The following OTOGL variants were observed in gnomAD, a reference collection of about 807,000 sequenced individuals.
The protein encoded by OTOGL is otogelin like, also known as otogelin-like protein.
Under a neutral mutation model 318.5 loss-of-function variants are expected in OTOGL, and 285 were observed. The ratio of observed to expected loss-of-function variants is 0.89; its 90% CI spans 0.81 to 0.99. The LOEUF is 0.99. Ranked by LOEUF, OTOGL falls within the 50% of genes least tolerant of loss-of-function variation. The pLI, the probability that OTOGL is intolerant of heterozygous loss-of-function variation, is 0.00. For synonymous variants in OTOGL, 987 were observed against 936.5 expected, an observed-to-expected ratio of 1.05 and a Z score of -0.99; for missense variants, 2,899 against 2,845.6, an observed-to-expected ratio of 1.02 and a Z score of -0.43.
At chr12:80,205,026 A>G (rs544171504) in intron 1 of OTOGL, among the ~76,000 whole-genome samples, 1 of 152,346 alleles carries the variant, frequency 6.6e-6, no homozygotes, top group Admixed American at 6.5e-5. Context: ...AGAGAAACGA[A>G]CAACAAACAA....
chr12:80,283,927 G>C (rs1884420883), intron 26 of OTOGL, among the ~76,000 whole-genome samples: 2 of 152,102 alleles, frequency 1.3e-5, no homozygotes, highest in Middle Eastern at 6.8e-3. Flanking sequence ...TGTTACATAG[G>C]TATACGTGTG....
rs542225398 is a variant in OTOGL, at chr12:80,103,522, T to C, written c.-20+3917T>C. Among the ~76,000 whole-genome samples, 6 of 152,310 alleles carry C rather than the reference T, an allele frequency of 3.9e-5. No individual in the cohort carries two copies. In the South Asian group the frequency reaches 6.2e-4, roughly 16 times the overall value. ...TCACTTTCTTGACCCCATGGCTAAA[T>C]TGGATCTGTTATATATTCAAATCAC... On this transcript the variant is annotated intron_variant, in intron 1 of 58. Transcript: ENST00000547103.
At chr12:80,249,728 G>T (rs1881313295) in intron 11 of OTOGL, among the ~76,000 whole-genome samples, 3 of 152,330 alleles carry the variant, frequency 2.0e-5, no homozygotes, top group Non-Finnish European at 1.5e-5. Context: ...GTTTACCTAA[G>T]GAAGCCTGGG....
chr12:80,330,527 T>G (rs973953429), intron 37 of OTOGL, among the ~76,000 whole-genome samples: 1 of 152,214 alleles, frequency 6.6e-6, no homozygotes, highest in Non-Finnish European at 1.5e-5. Flanking sequence ...GGGCATAGAC[T>G]GTTAATTATT....
chr12:80,179,128 T>A (rs1920398), intron 1 of OTOGL, among the ~76,000 whole-genome samples: 139,514 of 152,132 alleles, frequency 0.92, 64,042 homozygotes, highest in East Asian at 1. Flanking sequence ...TAAAGTGACA[T>A]CTCACTGGAG....
chr12:80,198,584 A>AAATAATAATAATAATAATAAT (rs201298326), intron 1 of OTOGL, among the ~76,000 whole-genome samples: 1 of 151,496 alleles, frequency 6.6e-6, no homozygotes. Flanking sequence ...CTCCATCTCC[A>AAATAATAATAATAATAATAAT]AATAATAATA....
chr12:80,285,323 C>T (rs1884533082), intron 26 of OTOGL, among the ~76,000 whole-genome samples: 2 of 152,034 alleles, frequency 1.3e-5, no homozygotes, highest in South Asian at 4.1e-4. Context: ...ATGTCTCCAG[C>T]TTTGTTCCTT....
intron 37 of OTOGL, among the ~76,000 whole-genome samples, chr12:80,330,537 T>A (rs1281957899): frequency 6.6e-6 from 1 of 152,208 alleles, no homozygotes; most frequent in Non-Finnish European, 1.5e-5. Context: ...TGTTAATTAT[T>A]CTAAGTATTG....
intron 1 of OTOGL, among the ~76,000 whole-genome samples, chr12:80,148,552 G>A (rs1421093563): frequency 6.6e-6 from 1 of 151,162 alleles, no homozygotes; most frequent in South Asian, 2.1e-4. Context: ...TCTTCTCGAG[G>A]AGTATCTTTG....
chr12:80,297,356 G>A (rs376567039), intron 27 of OTOGL, among the ~76,000 whole-genome samples: 1 of 144,416 alleles, frequency 6.9e-6, no homozygotes, highest in African/African-American at 2.6e-5. Context: ...TTTTGAGACA[G>A]AGTCTCACTC....
At chr12:80,349,096 C>CT (rs5799467) in intron 44 of OTOGL, among the ~76,000 whole-genome samples, 139,186 of 149,680 alleles carry the variant, frequency 0.93, 64,737 homozygotes, top group East Asian at 0.99. Context: ...AGAAGGGATA[C>CT]TTTTTTTTTT....
intron 34 of OTOGL, among the ~76,000 whole-genome samples, chr12:80,322,683 C>G (rs938004126): frequency 1.3e-5 from 2 of 152,152 alleles, no homozygotes; most frequent in East Asian, 3.9e-4. Context: ...CTTCTCTATG[C>G]TGTGGGAAGG....
At chr12:80,160,322 A>G (rs1178960872) in intron 1 of OTOGL, among the ~76,000 whole-genome samples, 1 of 152,128 alleles carries the variant, frequency 6.6e-6, no homozygotes, top group Non-Finnish European at 1.5e-5. Context: ...AGTGGAAGAA[A>G]ATCTTCACAA....
At chr12:80,128,980 G>A (rs1432513696) in intron 1 of OTOGL, among the ~76,000 whole-genome samples, 1 of 152,186 alleles carries the variant, frequency 6.6e-6, no homozygotes, top group Non-Finnish European at 1.5e-5. Context: ...CTGACCCCTT[G>A]TGCTTCCTGG....
Position 80,269,962 on chromosome 12 carries a change from T to A in OTOGL, c.2466-140T>A, listed in dbSNP as rs1195937628. 7 of 687,702 alleles carry A rather than the reference T, an allele frequency of 1.0e-5. No homozygotes were observed. In the African/African-American group the frequency reaches 1.3e-4, roughly 12 times the overall value. 42.6% of individuals were successfully genotyped at this position (687,702 alleles called of 1,614,324 possible). On this transcript the variant is annotated intron_variant, in intron 22 of 58. Coordinates refer to ENST00000547103, the MANE Select transcript of OTOGL (RefSeq NM_001378609.3). ...TGAAATTGGACCTAACCCAACAGCT[T>A]GTAAAAACTTCTGTGGGAAAAATAA... is the stretch of plus-strand genomic sequence containing the variant.
intron 1 of OTOGL, among the ~76,000 whole-genome samples, chr12:80,161,485 A>G (rs1184763740): frequency 6.6e-6 from 1 of 152,112 alleles, no homozygotes; most frequent in African/African-American, 2.4e-5. Context: ...TGATAAGACA[A>G]ATTTTGGAGA....
At chr12:80,232,590 C>T (rs1879465688) in intron 8 of OTOGL, among the ~76,000 whole-genome samples, 1 of 152,136 alleles carries the variant, frequency 6.6e-6, no homozygotes, top group South Asian at 2.1e-4. Flanking sequence ...TTTAACAAAT[C>T]ACCAGTATTT....
chr12:80,110,094 A>T (rs1869742831), intron 1 of OTOGL, among the ~76,000 whole-genome samples: 1 of 112,606 alleles, frequency 8.9e-6, no homozygotes, highest in Non-Finnish European at 1.7e-5. Context: ...TTTGAGACGG[A>T]GTCTCACTCT....
chr12:80,183,708 A>G (rs946917444), intron 1 of OTOGL, among the ~76,000 whole-genome samples: 1 of 152,198 alleles, frequency 6.6e-6, no homozygotes, highest in Non-Finnish European at 1.5e-5. Context: ...GATGCTTGGC[A>G]CCATCCTACC....
Sources: allele counts gnomAD v4.1 joint callset (sites outside exome capture counted in the v4.1 genomes callset), GRCh38; gene constraint gnomAD v4.1.1; transcripts MANE v1.5; gene names NCBI Gene and HGNC (gene_info 2026-07-23, HGNC 2026-07-21).